Variants in CDKN2A observed in about 807,000 individuals in gnomAD.
The protein encoded by CDKN2A is cyclin-dependent kinase inhibitor 2A.
CDKN2A carries 3 observed loss-of-function variants against 11.1 expected under a neutral mutation model. The ratio of observed to expected loss-of-function variants is 0.27; its 90% confidence interval spans 0.12 to 0.70. The LOEUF is 0.70. Among genes scored for constraint, CDKN2A ranks in the 30% least tolerant of loss-of-function variants. CDKN2A has a pLI of 0.77. For synonymous variants in CDKN2A, 122 were observed against 108.1 expected (o/e 1.13, Z -0.80); for missense variants, 265 against 233.6 (o/e 1.13, Z -0.88).
At chr9:21,986,278 G>A (rs753874821) in intron 2 of CDKN2A, among the ~76,000 whole-genome samples, 12 of 151,996 alleles carry the variant, frequency 7.9e-5, no homozygotes, top group Non-Finnish European at 1.3e-4. Flanking sequence ...TTAAATTAAG[G>A]TAGGAATAAG....
chr9:21,975,255 G>T, upstream of CDKN2A: 1 of 636,018 alleles, frequency 1.6e-6, no homozygotes, highest in Non-Finnish European at 2.0e-6. Flanking sequence ...GTGTTTGAGT[G>T]CGTTCACTCT....
chr9:21,984,021 C>T (rs896203503), intron 2 of CDKN2A, among the ~76,000 whole-genome samples: 1 of 151,840 alleles, frequency 6.6e-6, no homozygotes, highest in Non-Finnish European at 1.5e-5. Context: ...TATAAAAATC[C>T]GGGTGCACGG....
upstream of CDKN2A, chr9:21,974,928 C>A (rs1016480088): frequency 7.0e-7 from 1 of 1,429,248 alleles, no homozygotes; most frequent in African/African-American, 1.5e-5. This position sits in a 1 kb window ranked among gnomAD's most constrained non-coding sequence, Gnocchi z 5.2. Flanking sequence ...CCTCCTCTTT[C>A]TTCCTCCGGT....
Position 21,974,577 on chromosome 9 carries a change from T to A in CDKN2A, c.150+101A>T, listed in dbSNP as rs2131110541. Reference sequence around the variant, plus strand: ...AAACTCCCCAGGAAGCCTCCCCTTTTTCCGGAGAATCGAAGCGCTACCTGA... The same window carrying A: ...AAACTCCCCAGGAAGCCTCCCCTTTATCCGGAGAATCGAAGCGCTACCTGA... On this transcript the variant is annotated intron_variant, in intron 1 of 2. Transcript: ENST00000304494. This position sits in a 1 kb window ranked among gnomAD's most constrained non-coding sequence, Gnocchi z 5.2. 6.2e-7 allele frequency: 1 copy of A among 1,613,790 alleles called. No homozygotes were observed. Among genetic ancestry groups the A allele is most frequent in the Non-Finnish European group, 8.5e-7 (1 of 1,179,994 alleles).
chr9:21,968,289 G>C lies in CDKN2A; in HGVS notation c.458-47C>G, dbSNP rs776417500. 1 of 1,607,300 alleles carries C rather than the reference G, an allele frequency of 6.2e-7. No individual in the cohort carries two copies. The highest frequency in any genetic ancestry group is 8.5e-7 in the Non-Finnish European group (1 of 1,174,106). ...CAGGCGTTAGAAACCTGAGGTCAAA[G>C]ATGTGTGGCACATCCCGCCCTCCTC... is the stretch of plus-strand genomic sequence containing the variant. On this transcript the variant is annotated intron_variant, in intron 2 of 2. Coordinates refer to ENST00000304494, the MANE Select transcript of CDKN2A (RefSeq NM_000077.5). The surrounding 1 kb of genome is among the most constrained non-coding windows in gnomAD (Gnocchi z 4.7).
chr9:21,971,240 G>C (rs1384758869), intron 1 of CDKN2A, 32 bp from the exon 2 acceptor site: 1 of 1,586,008 alleles, frequency 6.3e-7, no homozygotes, highest in Non-Finnish European at 8.5e-7. Context: ...TCAGAGCCAG[G>C]GTGGGGGCCG....
rs139462936 is a variant in CDKN2A at position 21,968,550 on chromosome 9, A to G, written c.458-308T>C. 80 of 1,457,276 alleles carry G rather than the reference A, an allele frequency of 5.5e-5. No homozygotes were observed. The East Asian group carries it at 1.4e-3, about 25-fold the overall frequency. 90.3% of individuals were successfully genotyped at this position (1,457,276 alleles called of 1,614,324 possible). On this transcript the variant is annotated intron_variant, in intron 2 of 2. Coordinates refer to ENST00000304494, the MANE Select transcript of CDKN2A (RefSeq NM_000077.5). This position sits in a 1 kb window ranked among gnomAD's most constrained non-coding sequence, Gnocchi z 4.7. ...GTTGCAAGAAGAAAACGAGTGTTAT[A>G]TAATGAGTCTCAGTGGTTGCTCACA...
upstream of CDKN2A, among the ~76,000 whole-genome samples, chr9:21,975,419 G>C (rs1322080481): frequency 1.3e-5 from 2 of 151,916 alleles, no homozygotes; most frequent in African/African-American, 4.8e-5. Context: ...CTAGTTGTGA[G>C]AGCCCCACCG....
In CDKN2A at chr9:21,974,464, C is replaced by G. The variant is rs189126115; in HGVS notation, c.150+214G>C. Reference sequence around the variant, plus strand: ...CTTCTCAGCATTCGAGAGATCTGTACGCGCGTGGCTCCTCATTCCTCTTCC... The same window carrying G: ...CTTCTCAGCATTCGAGAGATCTGTAGGCGCGTGGCTCCTCATTCCTCTTCC... On this transcript the variant is annotated intron_variant, in intron 1 of 2. Coordinates refer to ENST00000304494, the MANE Select transcript of CDKN2A (RefSeq NM_000077.5). This position sits in a 1 kb window ranked among gnomAD's most constrained non-coding sequence, Gnocchi z 5.2. 5.6e-6 allele frequency: 9 copies of G among 1,606,042 alleles called. No homozygotes were observed. Among genetic ancestry groups the G allele is most frequent in the Middle Eastern group, 1.7e-4 (1 of 6,020 alleles).
At chr9:21,992,957 T>A (rs1399474329) in intron 2 of CDKN2A, among the ~76,000 whole-genome samples, 1 of 152,166 alleles carries the variant, frequency 6.6e-6, no homozygotes, top group Non-Finnish European at 1.5e-5. Context: ...TTAACTTGCA[T>A]AATATGAAAA....
chr9:21,979,921 G>A (rs970234656), intron 2 of CDKN2A, among the ~76,000 whole-genome samples: 2 of 152,172 alleles, frequency 1.3e-5, no homozygotes, highest in African/African-American at 2.4e-5. Flanking sequence ...CATAATAGAT[G>A]TGAATATTAA....
At chr9:21,978,745 A>G (rs1820100626), upstream of CDKN2A, among the ~76,000 whole-genome samples, 1 of 152,202 alleles carries the variant, frequency 6.6e-6, no homozygotes, top group Non-Finnish European at 1.5e-5. Context: ...TCATTCATTC[A>G]ACAAGCTCAG....
rs1554658497 is a variant in CDKN2A at position 21,987,423 on chromosome 9, A to ACACACG, written c.-4+6458_-4+6459insCGTGTG. On this transcript the variant is annotated intron_variant, in intron 2 of 3. Coordinates refer to the CDKN2A transcript ENST00000494262. Reference sequence around the variant, plus strand: ...CACACACACACACACACACACACACACACACACACAGAGAGAGAGAGAGAG... The same window carrying ACACACG: ...CACACACACACACACACACACACACACACACGCACACACACAGAGAGAGAGAGAGAG... 1.8e-4 allele frequency among the ~76,000 whole-genome samples: 22 copies of ACACACG among 121,700 alleles called. No homozygotes were observed. In the East Asian group the frequency reaches 4.0e-3, roughly 22 times the overall value. The allele number at this position is 121,700 out of a possible 152,430, so 79.8% of individuals were successfully genotyped here.
rs778132573 is a variant in CDKN2A, at chr9:21,971,244, G to T, written c.151-36C>A. 1.9e-6 allele frequency: 3 copies of T among 1,585,006 alleles called. No homozygotes were observed. The East Asian group carries it at 6.9e-5, about 36-fold the overall frequency. On this transcript the variant is annotated intron_variant, in intron 1 of 2. Coordinates refer to ENST00000304494, the MANE Select transcript of CDKN2A (RefSeq NM_000077.5). ...GAACAGAATGGTCAGAGCCAGGGTG[G>T]GGGCCGGCATGACGGAAAGGAAGCT... is the stretch of plus-strand genomic sequence containing the variant.
chr9:21,985,395 TGTC>T lies in CDKN2A; in HGVS notation c.-4+8484_-4+8486del, dbSNP rs1481310701. ...CACCCTCCAAGGTAGGCATTTTGAA[TGTC>T]GTAAGGATGACAGTAATGTTTCTGC... On this transcript the variant is annotated intron_variant, in intron 2 of 3. Transcript: ENST00000494262. 2.6e-5 allele frequency among the ~76,000 whole-genome samples: 4 copies of T among 152,002 alleles called. No individual in the cohort carries two copies. The East Asian group carries it at 7.7e-4, about 29-fold the overall frequency.
At chr9:21,990,631 A>AGAGAGAGAGAGAGAGAGAGAGG (rs1358117357) in intron 2 of CDKN2A, among the ~76,000 whole-genome samples, 1 of 150,848 alleles carries the variant, frequency 6.6e-6, no homozygotes, top group Non-Finnish European at 1.5e-5. Context: ...AGAGAGAGAG[A>AGAGAGAGAGAGAGAGAGAGAGG]GAGAGAGAGA....
chr9:21,979,487 T>C (rs1820124543), upstream of CDKN2A, among the ~76,000 whole-genome samples: 2 of 152,186 alleles, frequency 1.3e-5, no homozygotes, highest in Admixed American at 1.3e-4. Flanking sequence ...AGATAGGATA[T>C]TTTTGAGGAC....
At chr9:21,990,611 T>TGTGAGAGAGAGA (rs1820405496) in intron 2 of CDKN2A, among the ~76,000 whole-genome samples, 1 of 89,676 alleles carries the variant, frequency 1.1e-5, no homozygotes, top group Non-Finnish European at 2.2e-5. Flanking sequence ...ACTAATTTGG[T>TGTGAGAGAGAGA]GAGAGAGAGA....
chr9:21,990,799 G>A (rs189497933), intron 2 of CDKN2A, among the ~76,000 whole-genome samples: 1 of 152,314 alleles, frequency 6.6e-6, no homozygotes, highest in East Asian at 1.9e-4. Context: ...ATTTTATGCA[G>A]TTTTTGATTT....
Sources: gnomAD v4.1 joint callset for allele counts (sites outside exome capture counted in the v4.1 genomes callset) on GRCh38, gnomAD v4.1.1 for gene constraint, Gnocchi (gnomAD v3.1) non-coding constraint, MANE v1.5 for transcripts, NCBI Gene and HGNC (gene_info 2026-07-23, HGNC 2026-07-21) for gene names.